The following TFDP2 variants were observed in gnomAD, a reference collection of about 807,000 sequenced individuals.
TFDP2 encodes the protein transcription factor Dp-2.
A neutral mutation model predicts 59.3 loss-of-function variants in TFDP2; 17 were observed. That is an observed-to-expected ratio of 0.29 (90% CI 0.20 to 0.43). The LOEUF is 0.43. TFDP2 is among the 20% of genes least tolerant of loss of function. The pLI is 1.00. For missense variants in TFDP2, 391 were observed against 528.8 expected (o/e 0.74, Z 2.56); for synonymous variants, 180 against 194.7 (o/e 0.92, Z 0.63).
At chr3:142,001,466 G>C (rs74498173) in intron 4 of TFDP2, among the ~76,000 whole-genome samples, 10,653 of 152,270 alleles carry the variant, frequency 0.07, 477 homozygotes, top group Non-Finnish European at 0.11. Flanking sequence ...TGTGATGGGA[G>C]GAGCAGCACC....
At chr3:141,972,878 G>A (rs149874759) in intron 8 of TFDP2, among the ~76,000 whole-genome samples, 3 of 151,936 alleles carry the variant, frequency 2.0e-5, no homozygotes, top group Non-Finnish European at 4.4e-5. Flanking sequence ...TACTGGTCAT[G>A]AAAATGATGC....
At chr3:142,000,955 C>T (rs1360898248) in intron 4 of TFDP2, among the ~76,000 whole-genome samples, 1 of 152,168 alleles carries the variant, frequency 6.6e-6, no homozygotes, top group Non-Finnish European at 1.5e-5. Context: ...TTGGGGGCAG[C>T]CCATGCTGCA....
Position 141,968,489 on chromosome 3 carries a change from C to CAT in TFDP2, c.732+1582_732+1583dup, listed in dbSNP as rs1239337247. ...ATATATATATAACATATATATATCT[C>CAT]ATATATAGATATATATAACATATAT... On this transcript the variant is annotated intron_variant, in intron 9 of 12. Coordinates refer to ENST00000489671, the MANE Select transcript of TFDP2 (RefSeq NM_001178139.2). 2.5e-3 allele frequency among the ~76,000 whole-genome samples: 245 copies of CAT among 98,386 alleles called. 9 individuals carry two copies. The highest frequency in any genetic ancestry group is 3.4e-3 in the Non-Finnish European group (187 of 54,556). 64.5% of individuals were successfully genotyped at this position (98,386 alleles called of 152,430 possible). A position where few individuals can be genotyped will look rare whatever the true frequency, so the allele number is the denominator to read the frequency against.
At chr3:141,964,100 T>A (rs1280690118) in intron 9 of TFDP2, 137 bp from the exon 10 acceptor site, 1 of 720,144 alleles carries the variant, frequency 1.4e-6, no homozygotes, top group Non-Finnish European at 2.1e-6. Flanking sequence ...TGAATTAATT[T>A]AAAAAATTAA....
chr3:142,147,137 A>G (rs940184947), intron 1 of TFDP2, among the ~76,000 whole-genome samples: 1 of 152,094 alleles, frequency 6.6e-6, no homozygotes, highest in Admixed American at 6.6e-5. Flanking sequence ...TCCAAAAAAT[A>G]TACAAATATG....
At chr3:142,118,355 A>G (rs146084689) in intron 1 of TFDP2, among the ~76,000 whole-genome samples, 153 of 152,342 alleles carry the variant, frequency 1.0e-3, no homozygotes, top group African/African-American at 3.6e-3. Context: ...AAATACAAAC[A>G]AAAGCTTTTC....
At chr3:142,053,189 T>A (rs182398511) in intron 3 of TFDP2, among the ~76,000 whole-genome samples, 2 of 152,206 alleles carry the variant, frequency 1.3e-5, no homozygotes, top group African/African-American at 2.4e-5. Context: ...ATAGTTTAGA[T>A]GTTTGTCCGC....
At chr3:142,051,646 A>G (rs978192944) in intron 3 of TFDP2, among the ~76,000 whole-genome samples, 7 of 152,210 alleles carry the variant, frequency 4.6e-5, no homozygotes, top group Admixed American at 4.6e-4. Flanking sequence ...CACGTACATC[A>G]ATGGAACAGA....
intron 7 of TFDP2, among the ~76,000 whole-genome samples, chr3:141,974,907 CTTTTTTT>C (rs753702830): frequency 1.8e-4 from 16 of 90,484 alleles, no homozygotes; most frequent in East Asian, 6.4e-4. Context: ...TCTTCTTCTT[CTTTTTTT>C]TTTTTTTTTT....
chr3:141,992,055 A>AAG (rs1404896901), intron 6 of TFDP2, among the ~76,000 whole-genome samples: 1 of 148,808 alleles, frequency 6.7e-6, no homozygotes, highest in Non-Finnish European at 1.5e-5. Context: ...AAAAAAAAAA[A>AAG]AGAAAGAAAA....
intron 10 of TFDP2, among the ~76,000 whole-genome samples, 161 bp from the exon 11 acceptor site, chr3:141,960,001 G>T (rs1461442722): frequency 6.6e-6 from 1 of 152,100 alleles, no homozygotes; most frequent in African/African-American, 2.4e-5. Flanking sequence ...TCTGTCAGGG[G>T]AATGACATCT....
At chr3:142,134,665 A>G (rs534848148) in intron 1 of TFDP2, among the ~76,000 whole-genome samples, 1 of 152,228 alleles carries the variant, frequency 6.6e-6, no homozygotes, top group East Asian at 1.9e-4. Context: ...CTCACAGCCA[A>G]TCTGAGTTAA....
intron 3 of TFDP2, 99 bp from the exon 4 acceptor site, chr3:142,005,643 AT>A: frequency 1.4e-6 from 1 of 718,924 alleles, no homozygotes; most frequent in Non-Finnish European, 2.2e-6. Flanking sequence ...TGTTGAGGTA[AT>A]TTATAATTAT....
chr3:142,120,554 T>C (rs1038983460), intron 1 of TFDP2, among the ~76,000 whole-genome samples: 5 of 152,116 alleles, frequency 3.3e-5, no homozygotes, highest in Non-Finnish European at 7.3e-5. Flanking sequence ...CAGTAAAAAA[T>C]ATTTTATTAG....
chr3:142,089,106 GGTGTGAGTCACT>G (rs977279712), intron 3 of TFDP2, among the ~76,000 whole-genome samples: 3 of 152,106 alleles, frequency 2.0e-5, no homozygotes, highest in Non-Finnish European at 4.4e-5. Context: ...TGGGATTACA[GGTGTGAGTCACT>G]GCGTCCAGCA....
intron 1 of TFDP2, among the ~76,000 whole-genome samples, chr3:142,143,570 C>T (rs2063040631): frequency 6.6e-6 from 1 of 152,100 alleles, no homozygotes; most frequent in South Asian, 2.1e-4. Flanking sequence ...ATCAAATAAT[C>T]CCATTAAAAA....
At chr3:142,120,925 T>C (rs912652918) in intron 1 of TFDP2, among the ~76,000 whole-genome samples, 14 of 152,174 alleles carry the variant, frequency 9.2e-5, no homozygotes, top group African/African-American at 2.9e-4. Flanking sequence ...TCTGGGGTTA[T>C]AGCAGACTAA....
intron 1 of TFDP2, among the ~76,000 whole-genome samples, chr3:142,130,318 C>T (rs1240517899): frequency 6.6e-6 from 1 of 151,968 alleles, no homozygotes; most frequent in Non-Finnish European, 1.5e-5. Context: ...GGACATTATG[C>T]AAAGTGAAAT....
At chr3:142,048,722 T>C (rs938838709) in intron 3 of TFDP2, among the ~76,000 whole-genome samples, 6 of 152,112 alleles carry the variant, frequency 3.9e-5, no homozygotes, top group Non-Finnish European at 5.9e-5. Flanking sequence ...TATGCCACCA[T>C]GCCTGGCTAA....
Sources: allele counts gnomAD v4.1 joint callset (sites outside exome capture counted in the v4.1 genomes callset), GRCh38; gene constraint gnomAD v4.1.1; transcripts MANE v1.5; gene names NCBI Gene and HGNC (gene_info 2026-07-23, HGNC 2026-07-21).